NLRP12: variants seen among roughly 807,000 people sequenced by gnomAD.
The protein encoded by NLRP12 is NLR family pyrin domain containing 12, also known as NACHT, LRR and PYD domains-containing protein 12.
In NLRP12, 108 loss-of-function variants were observed where a neutral mutation model predicts 91.2. The observed-to-expected ratio is 1.18, with a 90% confidence interval of 1.01 to 1.39. The LOEUF is 1.39. Ranked by LOEUF, NLRP12 falls within the 40% of genes most tolerant of loss-of-function variation. NLRP12 has a pLI of 0.00. For missense variants in NLRP12, 1,530 were observed against 1,352.7 expected (o/e 1.13, Z -2.06); for synonymous variants, 613 against 566.7 (o/e 1.08, Z -1.16).
chr19:53,811,622 G>A (rs1474648136), intron 2 of NLRP12, among the ~76,000 whole-genome samples: 5 of 150,690 alleles, frequency 3.3e-5, no homozygotes, highest in Non-Finnish European at 1.5e-5. Context: ...TGCCCAGCTT[G>A]GAGTGCAATG....
chr19:53,796,917 G>A (rs561440936), intron 8 of NLRP12, among the ~76,000 whole-genome samples: 8 of 33,860 alleles, frequency 2.4e-4, no homozygotes, highest in Non-Finnish European at 4.4e-4. Context: ...GCTTGAACCC[G>A]GGAGGTGGAG....
chr19:53,809,607 C>T lies in NLRP12; in HGVS notation c.2052G>A (p.Ala684=), dbSNP rs755768331. Residue 684 remains alanine, a synonymous_variant, in exon 3 of 10, where the codon GCG becomes GCA. Coordinates refer to ENST00000324134, the MANE Select transcript of NLRP12 (RefSeq NM_144687.4). ...GEDRARCSAG[A]HTLLVQLPER... is the part of the protein sequence containing the mutation. ...CTTACAGCTGCACCAACAGCGTGTG[C>T]GCTCCTGCGGAGCACCTCGCGCGGT... 112 of 1,612,164 alleles carry T rather than the reference C, an allele frequency of 6.9e-5. No homozygotes were observed. Among genetic ancestry groups the T allele is most frequent in the Non-Finnish European group, 8.8e-5 (104 of 1,179,674 alleles).
Position 53,809,601 on chromosome 19 carries a change from C to CGT in NLRP12, c.2056_2057dup (p.Leu687ArgfsTer30). The CGT allele has an allele frequency of 1.9e-6, 3 of 1,611,438 alleles. No homozygotes were observed. Among genetic ancestry groups the CGT allele is most frequent in the Middle Eastern group, 1.8e-4 (1 of 5,414 alleles). On this transcript the variant is annotated frameshift_variant, in exon 3 of 10. Coordinates refer to ENST00000324134, the MANE Select transcript of NLRP12 (RefSeq NM_144687.4). LOFTEE classifies it high-confidence loss of function. The stretch of plus-strand genomic sequence containing the variant: ...GGGATACTTACAGCTGCACCAACAG[C>CGT]GTGTGCGCTCCTGCGGAGCACCTCG...
intron 5 of NLRP12, 138 bp downstream of exon 5, chr19:53,805,142 G>A (rs1006486290): frequency 5.8e-6 from 5 of 867,182 alleles, no homozygotes; most frequent in Admixed American, 4.0e-5. Flanking sequence ...TAGAGTCCAG[G>A]GCCAGGGTCT....
chr19:53,807,415 G>C (rs948852305), intron 4 of NLRP12, 80 bp downstream of exon 4: 7 of 1,405,036 alleles, frequency 5.0e-6, no homozygotes, highest in Non-Finnish European at 6.9e-6. Flanking sequence ...ACACCATCCC[G>C]TGATAGAACC....
At chr19:53,807,716 C>G (rs62143166) in intron 3 of NLRP12, 51 bp from the exon 4 acceptor site, 61 of 1,596,672 alleles carry the variant, frequency 3.8e-5, no homozygotes, top group Non-Finnish European at 4.6e-5. Context: ...TGCTTGACAA[C>G]TATGGCCTTT....
Position 53,794,012 on chromosome 19 carries a change from G to T in NLRP12, c.*37C>A. On this transcript the variant is annotated 3_prime_UTR_variant, in exon 10 of 10. Transcript: ENST00000324134. ...GATGAGCACCCTCCCATCTTCCTCT[G>T]TCCAGATCTCAGGGGAGAGCCAGCA... 7.0e-7 allele frequency: 1 copy of T among 1,430,140 alleles called. No individual in the cohort carries two copies. Among genetic ancestry groups the T allele is most frequent in the Non-Finnish European group, 9.9e-7 (1 of 1,012,314 alleles). 88.6% of individuals were successfully genotyped at this position (1,430,140 alleles called of 1,614,324 possible).
At chr19:53,802,417 A>G (rs1568663881) in intron 6 of NLRP12, among the ~76,000 whole-genome samples, 1 of 150,772 alleles carries the variant, frequency 6.6e-6, no homozygotes, top group Non-Finnish European at 1.5e-5. Context: ...TTAAAAATAA[A>G]TAGAATGCGG....
intron 1 of NLRP12, among the ~76,000 whole-genome samples, chr19:53,820,508 C>T (rs577783509): frequency 3.1e-4 from 46 of 150,506 alleles, no homozygotes; most frequent in Middle Eastern, 3.4e-3. Flanking sequence ...CCAGCCTGGG[C>T]GACAGAGTGA....
chr19:53,808,144 A>C (rs2091993435), intron 3 of NLRP12: 2 of 284,196 alleles, frequency 7.0e-6, no homozygotes, highest in Non-Finnish European at 1.4e-5. Flanking sequence ...TGTAGGCTTG[A>C]CCTCCCAGGC....
At position 53,793,985 on chromosome 19, in the gene NLRP12, G is replaced by T; in HGVS notation, c.*64C>A. 2 of 1,106,560 alleles carry T rather than the reference G, an allele frequency of 1.8e-6. No individual in the cohort carries two copies. Among genetic ancestry groups the T allele is most frequent in the Non-Finnish European group, 1.4e-6 (1 of 716,830 alleles). The allele number at this position is 1,106,560 out of a possible 1,614,324, so 68.5% of individuals were successfully genotyped here. ...GGAGGCTGATCATTATGCTGGGGGG[G>T]TGATGAGCACCCTCCCATCTTCCTC... On this transcript the variant is annotated 3_prime_UTR_variant, in exon 10 of 10. Coordinates refer to ENST00000324134, the MANE Select transcript of NLRP12 (RefSeq NM_144687.4).
At position 53,819,475 on chromosome 19, in the gene NLRP12, GTGTGTGTGTA is replaced by G. The variant is rs753380489; in HGVS notation, c.289+4401_289+4410del. Among the ~76,000 whole-genome samples the G allele has an allele frequency of 6.6e-3, 350 of 53,236 alleles. 39 individuals carry two copies. Among genetic ancestry groups the G allele is most frequent in the African/African-American group, 0.015 (177 of 11,522 alleles). 34.9% of individuals were successfully genotyped at this position (53,236 alleles called of 152,430 possible). A position where few individuals can be genotyped will look rare whatever the true frequency, so the allele number is the denominator to read the frequency against. Reference sequence around the variant, plus strand: ...TATATATATGTGTGTGTGTGTGTGTGTGTGTGTGTATATACATATGTGTATATATATGTAT... The same window carrying G: ...TATATATATGTGTGTGTGTGTGTGTGTATACATATGTGTATATATATGTAT... On this transcript the variant is annotated intron_variant, in intron 1 of 9. Coordinates refer to ENST00000324134, the MANE Select transcript of NLRP12 (RefSeq NM_144687.4).
rs377231440 is a variant in NLRP12 at position 53,818,635 on chromosome 19, G to A, written c.290-3647C>T. 1.1e-3 allele frequency among the ~76,000 whole-genome samples: 165 copies of A among 151,980 alleles called. 1 individual carries two copies. Among genetic ancestry groups the A allele is most frequent in the African/African-American group, 3.9e-3 (160 of 41,444 alleles). Reference sequence around the variant, plus strand: ...AGCCGAGAACGCACCACTGCACTCCGGCCTGGGTGACAGAGTGAGACTCCG... The same window carrying A: ...AGCCGAGAACGCACCACTGCACTCCAGCCTGGGTGACAGAGTGAGACTCCG... On this transcript the variant is annotated intron_variant, in intron 1 of 9. Transcript: ENST00000324134.
intron 1 of NLRP12, among the ~76,000 whole-genome samples, chr19:53,817,388 T>C (rs111774113): frequency 0.15 from 23,156 of 149,962 alleles, 1,828 homozygotes; most frequent in Middle Eastern, 0.27. Context: ...TGACATCGCA[T>C]CATTGCACTC....
chr19:53,810,152 C>A lies in NLRP12; in HGVS notation c.1507G>T (p.Asp503Tyr). 1.9e-6 allele frequency: 3 copies of A among 1,614,156 alleles called. No homozygotes were observed. The highest frequency in any genetic ancestry group is 2.5e-6 in the Non-Finnish European group (3 of 1,180,024). The stretch of plus-strand genomic sequence containing the variant: ...CTGTAGTACCTCTCACAGTTGATGT[C>A]CTTCTGGAAGATGTTCATGTTGAGG... The part of the protein sequence containing the change: ...AFLNMNIFQK[D>Y]INCERYYSFI... The change falls in exon 3 of 10, where the codon GAC (aspartate) becomes TAC (tyrosine). Residue 503 changes from aspartate (D) to tyrosine (Y), a missense_variant. Transcript: ENST00000324134.
chr19:53,813,465 C>T (rs1176237513), intron 2 of NLRP12, among the ~76,000 whole-genome samples: 1 of 151,516 alleles, frequency 6.6e-6, no homozygotes, highest in Non-Finnish European at 1.5e-5. Context: ...CCACGCCTGG[C>T]TAATTTTTTT....
In NLRP12 at chr19:53,803,841, C is replaced by T. The variant is rs560639534; in HGVS notation, c.2585+111G>A. 1.2e-4 allele frequency: 136 copies of T among 1,093,284 alleles called. 2 individuals carry two copies. The highest frequency in any genetic ancestry group is 9.9e-4 in the South Asian group (75 of 75,802). The allele number at this position is 1,093,284 out of a possible 1,614,324, so 67.7% of individuals were successfully genotyped here. ...TGCCCTCTTTGGCCTCCCAAAGTGC[C>T]GGGATTACAGGCGTGAGCCACTGCG... On this transcript the variant is annotated intron_variant, in intron 6 of 9. Coordinates refer to ENST00000324134, the MANE Select transcript of NLRP12 (RefSeq NM_144687.4).
Position 53,807,550 on chromosome 19 carries a change from C to A in NLRP12, c.2188G>T (p.Val730Leu). The change falls in exon 4 of 10, where the codon GTG becomes TTG. Residue 730 changes from valine (V) to leucine (L), a missense_variant. By Grantham distance (32) the Val-to-Leu change is conservative (BLOSUM62 1). Coordinates refer to ENST00000324134, the MANE Select transcript of NLRP12 (RefSeq NM_144687.4). ...CTGAGTCCTTGACAGAGCAGCTTCA[C>A]CCCCCGGCTGCCCAGGGCATTTCGG... ...LYRNALGSRGVKLLCQGLRHP... is the reference protein window; with the variant it reads ...LYRNALGSRGLKLLCQGLRHP... 1 of 1,613,810 alleles carries A rather than the reference C, an allele frequency of 6.2e-7. No homozygotes were observed. The highest frequency in any genetic ancestry group is 8.5e-7 in the Non-Finnish European group (1 of 1,179,794).
intron 1 of NLRP12, among the ~76,000 whole-genome samples, chr19:53,821,059 A>G (rs1390905972): frequency 2.3e-4 from 22 of 95,720 alleles, no homozygotes; most frequent in Middle Eastern, 0.01. Flanking sequence ...TTTTTGAGAC[A>G]GAGTCTTACT....
Sources: gnomAD v4.1 joint callset for allele counts (sites outside exome capture counted in the v4.1 genomes callset) on GRCh38, gnomAD v4.1.1 for gene constraint, MANE v1.5 for transcripts, NCBI Gene and HGNC (gene_info 2026-07-23, HGNC 2026-07-21) for gene names.